GMDS: variants seen among roughly 807,000 people sequenced by gnomAD.
GMDS encodes the protein GDP-mannose 4,6-dehydratase.
Under a neutral mutation model 49.9 loss-of-function variants are expected in GMDS, and 20 were observed. The observed-to-expected ratio is 0.40, with a 90% CI of 0.28 to 0.58. The LOEUF (loss-of-function observed/expected upper bound fraction) is 0.58. Among genes scored for constraint, GMDS ranks in the 20% least tolerant of loss-of-function variants. The pLI, the probability that GMDS is intolerant of heterozygous loss-of-function variation, is 0.42. For missense variants in GMDS, 362 were observed against 481.4 expected (o/e 0.75, Z 2.32); for synonymous variants, 177 against 178.6 (o/e 0.99, Z 0.07).
chr6:1,991,049 C>G (rs1334637500), intron 4 of GMDS, among the ~76,000 whole-genome samples: 1 of 151,922 alleles, frequency 6.6e-6, no homozygotes, highest in Non-Finnish European at 1.5e-5. Context: ...TTTGGGTTCT[C>G]TACCCCTCCT....
chr6:1,763,990 C>T (rs1265317852), intron 7 of GMDS, among the ~76,000 whole-genome samples: 1 of 152,112 alleles, frequency 6.6e-6, no homozygotes, highest in Non-Finnish European at 1.5e-5. Context: ...TTTGGAGGGT[C>T]TGCAGGGGAA....
rs368660213 is a variant in GMDS, at chr6:1,696,326, C to T, written c.987+30090G>A. ...TGAGCAAAATGGCTAGGGCCTACGC[C>T]GTGATTTGCTGCTCTGGAATGGGAC... On this transcript the variant is annotated intron_variant, in intron 9 of 10. Coordinates refer to ENST00000380815, the MANE Select transcript of GMDS (RefSeq NM_001500.4). Among the ~76,000 whole-genome samples, 14 of 152,358 alleles carry T rather than the reference C, an allele frequency of 9.2e-5. No individual in the cohort carries two copies. In the South Asian group the frequency reaches 1.4e-3, roughly 16 times the overall value.
chr6:1,638,865 A>G (rs1449656056), intron 9 of GMDS, among the ~76,000 whole-genome samples: 1 of 152,234 alleles, frequency 6.6e-6, no homozygotes, highest in Admixed American at 6.5e-5. Context: ...CTGCATGAGT[A>G]GAGTGAGTCT....
chr6:2,136,906 C>CA (rs3049649), intron 1 of GMDS, among the ~76,000 whole-genome samples: 3,011 of 127,926 alleles, frequency 0.024, 47 homozygotes, highest in Non-Finnish European at 0.037. Context: ...TCATTTCAAA[C>CA]AAAAAAAAAA....
At chr6:2,175,972 C>CA (rs1006682740) in intron 1 of GMDS, 2 of 1,532,160 alleles carry the variant, frequency 1.3e-6, no homozygotes, top group African/African-American at 2.7e-5. Context: ...GTAACGCTCC[C>CA]AACAAACTGC....
chr6:2,183,461 G>T (rs1049300028), intron 1 of GMDS, among the ~76,000 whole-genome samples: 2 of 152,220 alleles, frequency 1.3e-5, no homozygotes, highest in Admixed American at 6.5e-5. Context: ...GATAAAACTT[G>T]AATGGCTGAG....
rs533895880 is a variant in GMDS at position 2,175,189 on chromosome 6, T to TATTACATTACA, written c.103-50459_103-50458insTGTAATGTAAT. On this transcript the variant is annotated intron_variant, in intron 1 of 10. Coordinates refer to ENST00000380815, the MANE Select transcript of GMDS (RefSeq NM_001500.4). ...TTTTGCTTCTTGAAAAAGGAGATGT[T>TATTACATTACA]TTATTTATTAATGTAAGTTAACTTA... Among the ~76,000 whole-genome samples, 152 of 152,312 alleles carry TATTACATTACA rather than the reference T, an allele frequency of 1.0e-3. 1 individual carries two copies. In the East Asian group the frequency reaches 0.013, roughly 13 times the overall value.
intron 7 of GMDS, among the ~76,000 whole-genome samples, chr6:1,806,482 A>G (rs1581203022): frequency 6.6e-6 from 1 of 151,196 alleles, no homozygotes; most frequent in Non-Finnish European, 1.5e-5. Context: ...AGGCACGCAC[A>G]TGCATACACA....
Position 2,175,943 on chromosome 6 carries a change from T to A in GMDS, c.103-51212A>T, listed in dbSNP as rs1043611700. The A allele has an allele frequency of 8.7e-6, 13 of 1,486,334 alleles. No individual in the cohort carries two copies. The African/African-American group carries it at 1.5e-4, about 17-fold the overall frequency. The allele number at this position is 1,486,334 out of a possible 1,614,324, so 92.1% of individuals were successfully genotyped here. On this transcript the variant is annotated intron_variant, in intron 1 of 10. Transcript: ENST00000380815. ...TACTATTTTCTCACCATTTTACACA[T>A]GAGGAACCAGAGGCAATGGTAACGC...
At chr6:2,030,721 T>C (rs191953253) in intron 4 of GMDS, among the ~76,000 whole-genome samples, 17 of 152,180 alleles carry the variant, frequency 1.1e-4, no homozygotes, top group African/African-American at 3.9e-4. Context: ...AAACTATGCA[T>C]TGGCTCCAAA....
chr6:1,826,586 T>G (rs1380498236), intron 7 of GMDS, among the ~76,000 whole-genome samples: 2 of 152,206 alleles, frequency 1.3e-5, no homozygotes, highest in African/African-American at 4.8e-5. Flanking sequence ...AACTCCAAAT[T>G]AATGAGGCAA....
intron 6 of GMDS, among the ~76,000 whole-genome samples, chr6:1,955,784 AAG>A (rs1763604637): frequency 6.6e-6 from 1 of 152,134 alleles, no homozygotes; most frequent in Non-Finnish European, 1.5e-5. Flanking sequence ...AAAAAAGAAA[AAG>A]AAAGAAAACC....
chr6:1,939,090 CT>C (rs1762689769), intron 6 of GMDS, among the ~76,000 whole-genome samples: 1 of 151,344 alleles, frequency 6.6e-6, no homozygotes, highest in African/African-American at 2.4e-5. Context: ...TTTTTACATT[CT>C]GTTCTTGCTT....
At chr6:1,691,433 C>T (rs972012304) in intron 9 of GMDS, among the ~76,000 whole-genome samples, 3 of 152,084 alleles carry the variant, frequency 2.0e-5, no homozygotes, top group Admixed American at 6.5e-5. Flanking sequence ...GATGGGTTGA[C>T]AGGTGCAGCA....
intron 2 of GMDS, among the ~76,000 whole-genome samples, chr6:2,120,060 G>A (rs1166666614): frequency 1.3e-5 from 2 of 152,120 alleles, no homozygotes; most frequent in East Asian, 3.9e-4. Flanking sequence ...CGACTCCCAG[G>A]GATGGTTAAT....
intron 8 of GMDS, among the ~76,000 whole-genome samples, chr6:1,733,690 A>C (rs553363702): frequency 6.6e-6 from 1 of 152,204 alleles, no homozygotes; most frequent in Admixed American, 6.5e-5. Flanking sequence ...GGTGGTGTGC[A>C]CCTATTGTCC....
At chr6:2,043,392 A>T (rs1431517218) in intron 4 of GMDS, 1 of 152,252 alleles carries the variant, frequency 6.6e-6, no homozygotes, top group East Asian at 1.9e-4. Flanking sequence ...ACACCTTCAT[A>T]AGCTGGATGG....
intron 1 of GMDS, among the ~76,000 whole-genome samples, chr6:2,185,232 A>G (rs574412176): frequency 6.6e-6 from 1 of 152,262 alleles, no homozygotes; most frequent in South Asian, 2.1e-4. Flanking sequence ...TTACTGAACA[A>G]ACTTAAGTTT....
chr6:1,861,784 A>G (rs918551485), intron 7 of GMDS, among the ~76,000 whole-genome samples: 10 of 152,158 alleles, frequency 6.6e-5, no homozygotes, highest in African/African-American at 2.2e-4. Context: ...GAAGAAATGC[A>G]CTTTAGTCCC....
Sources: allele counts gnomAD v4.1 joint callset (sites outside exome capture counted in the v4.1 genomes callset), GRCh38; gene constraint gnomAD v4.1.1; transcripts MANE v1.5; gene names NCBI Gene and HGNC (gene_info 2026-07-23, HGNC 2026-07-21).